Variants in KAZN observed in about 807,000 individuals in gnomAD.
The protein encoded by KAZN is kazrin.
Under a neutral mutation model 87.4 loss-of-function variants are expected in KAZN, and 40 were observed. The observed-to-expected ratio is 0.46, with a 90% CI of 0.36 to 0.60. KAZN has a LOEUF of 0.60. Ranked by LOEUF, KAZN falls within the 20% of genes least tolerant of loss-of-function variation. The probability of loss-of-function intolerance (pLI) is 0.00; values close to 1 mark genes in which losing one functional copy is unlikely to be tolerated. For missense variants in KAZN, 898 were observed against 1,073.9 expected, an observed-to-expected ratio of 0.84 and a Z score of 2.29; for synonymous variants, 466 against 458.3, an observed-to-expected ratio of 1.02 and a Z score of -0.22.
At position 14,903,410 on chromosome 1, in the gene KAZN, G is replaced by T. The variant is rs72870401; in HGVS notation, c.227-57274G>T. Among the ~76,000 whole-genome samples the T allele has an allele frequency of 3.2e-3, 482 of 152,332 alleles. 5 individuals carry two copies. Among genetic ancestry groups the T allele is most frequent in the African/African-American group, 0.011 (445 of 41,564 alleles). ...CAGCCTTTCAGGTGGGCACACTGGGGCCCTGGCAGCAGAGCGGGCCATCTG... is the reference window on the plus strand; with the variant it reads ...CAGCCTTTCAGGTGGGCACACTGGGTCCCTGGCAGCAGAGCGGGCCATCTG... On this transcript the variant is annotated intron_variant, in intron 1 of 14. Transcript: ENST00000376030.
At chr1:13,941,819 C>G (rs1296090188) in intron 1 of KAZN, among the ~76,000 whole-genome samples, 1 of 152,144 alleles carries the variant, frequency 6.6e-6, no homozygotes, top group African/African-American at 2.4e-5. Context: ...CAAAGAGCTA[C>G]CAAGGCAGCC....
At chr1:14,714,781 TTTTTC>T (rs1642692006) in intron 1 of KAZN, among the ~76,000 whole-genome samples, 1 of 144,622 alleles carries the variant, frequency 6.9e-6, no homozygotes, top group Non-Finnish European at 1.5e-5. Context: ...TTCTTTTTTC[TTTTTC>T]TTTTTTTTTT....
chr1:15,061,673 T>A (rs1294142357), intron 6 of KAZN: 1 of 152,118 alleles, frequency 6.6e-6, no homozygotes, highest in African/African-American at 2.4e-5. Context: ...ATGCCTGCCA[T>A]CACACCCGGC....
intron 1 of KAZN, among the ~76,000 whole-genome samples, chr1:14,061,184 C>T (rs1642779636): frequency 6.6e-6 from 1 of 152,168 alleles, no homozygotes; most frequent in South Asian, 2.1e-4. Context: ...CCAGTGCTCA[C>T]AGCCTGTGAT....
upstream of KAZN, among the ~76,000 whole-genome samples, chr1:14,598,457 G>A (rs1215578105): frequency 5.9e-5 from 9 of 152,150 alleles, no homozygotes; most frequent in Non-Finnish European, 1.3e-4. This position sits in a 1 kb window ranked among gnomAD's most constrained non-coding sequence, Gnocchi z 4.2. Context: ...CTCAAGGGAG[G>A]GGACAGAGGG....
intron 2 of KAZN, among the ~76,000 whole-genome samples, chr1:14,212,482 GA>G (rs770629731): frequency 0.051 from 6,026 of 117,752 alleles, 219 homozygotes; most frequent in African/African-American, 0.11. Flanking sequence ...TTATAAGCCA[GA>G]AAAAAAAAAA....
At chr1:15,046,431 A>G (rs1260283940) in intron 4 of KAZN, among the ~76,000 whole-genome samples, 1 of 150,706 alleles carries the variant, frequency 6.6e-6, no homozygotes, top group Admixed American at 6.6e-5. Context: ...GAGAGGAAGG[A>G]TTGGCTTTGC....
rs536801093 is a variant in KAZN at position 14,561,764 on chromosome 1, C to T, written c.250-37219C>T. ...ACTAAAAATACAAAAATTAGCCGGG[C>T]GTGGTGGCGGGCACCTGTAATCCCA... is the stretch of plus-strand genomic sequence containing the variant. On this transcript the variant is annotated intron_variant, in intron 2 of 16. Coordinates refer to the KAZN transcript ENST00000636203. Among the ~76,000 whole-genome samples the T allele has an allele frequency of 3.2e-4, 48 of 152,056 alleles. No individual in the cohort carries two copies. In the South Asian group the frequency reaches 3.7e-3, roughly 12 times the overall value.
intron 1 of KAZN, among the ~76,000 whole-genome samples, chr1:13,895,971 T>G (rs1372286787): frequency 1.3e-5 from 2 of 149,654 alleles, no homozygotes; most frequent in Non-Finnish European, 3.0e-5. Context: ...TTACATAAAC[T>G]ATCTCCTGTA....
chr1:14,690,916 A>C (rs1450131635), intron 1 of KAZN, among the ~76,000 whole-genome samples: 2 of 152,032 alleles, frequency 1.3e-5, no homozygotes, highest in Non-Finnish European at 2.9e-5. Context: ...ATCCATTCTT[A>C]TTCTTCCTAA....
intron 1 of KAZN, among the ~76,000 whole-genome samples, chr1:14,647,579 C>T (rs1476085394): frequency 6.6e-6 from 1 of 152,096 alleles, no homozygotes; most frequent in Non-Finnish European, 1.5e-5. Context: ...ATAGAACAGG[C>T]TGCAGTCAGG....
At chr1:14,632,536 C>T (rs1012840242) in intron 1 of KAZN, among the ~76,000 whole-genome samples, 3 of 149,616 alleles carry the variant, frequency 2.0e-5, no homozygotes, top group Admixed American at 2.0e-4. Flanking sequence ...GAACATTAAA[C>T]AAGTGCCCAG....
At chr1:14,465,613 C>G (rs1286236484) in intron 2 of KAZN, among the ~76,000 whole-genome samples, 1 of 152,010 alleles carries the variant, frequency 6.6e-6, no homozygotes, top group Admixed American at 6.6e-5. Flanking sequence ...GACCTAGCCT[C>G]AGAAATTGCA....
intron 2 of KAZN, among the ~76,000 whole-genome samples, chr1:14,298,927 C>T (rs1654327243): frequency 1.3e-5 from 2 of 152,206 alleles, no homozygotes; most frequent in African/African-American, 4.8e-5. Context: ...AGAGGAAGTG[C>T]AGGCGTGGTA....
intron 10 of KAZN, among the ~76,000 whole-genome samples, chr1:15,095,598 C>G (rs1001473647): frequency 6.6e-6 from 1 of 151,744 alleles, no homozygotes; most frequent in African/African-American, 2.4e-5. Flanking sequence ...GGAAGGAACC[C>G]CCACCCCCAC....
intron 1 of KAZN, among the ~76,000 whole-genome samples, chr1:14,873,112 AT>A (rs1652363587): frequency 1.4e-5 from 2 of 143,674 alleles, no homozygotes; most frequent in South Asian, 4.4e-4. Flanking sequence ...GGACAGATAG[AT>A]GAATGGATGG....
chr1:14,851,222 C>T (rs1238752217), intron 1 of KAZN, among the ~76,000 whole-genome samples: 1 of 152,310 alleles, frequency 6.6e-6, no homozygotes, highest in Non-Finnish European at 1.5e-5. Context: ...AGGTGGGTCC[C>T]TGCAGTGTTA....
chr1:14,734,332 A>C, intron 1 of KAZN, among the ~76,000 whole-genome samples: 1 of 140,606 alleles, frequency 7.1e-6, no homozygotes, highest in Admixed American at 7.3e-5. Flanking sequence ...TTTTTGAGAC[A>C]GAGTTTTGCT....
intron 1 of KAZN, among the ~76,000 whole-genome samples, chr1:14,792,704 G>A (rs115302427): frequency 0.064 from 9,789 of 152,224 alleles, 374 homozygotes; most frequent in African/African-American, 0.078. Context: ...ATGGCTGGGC[G>A]CAATGGCTCA....
Sources: gnomAD v4.1 joint callset for allele counts (sites outside exome capture counted in the v4.1 genomes callset) on GRCh38, gnomAD v4.1.1 for gene constraint, Gnocchi (gnomAD v3.1) non-coding constraint, MANE v1.5 for transcripts, NCBI Gene and HGNC (gene_info 2026-07-23, HGNC 2026-07-21) for gene names.